GPRIN2: variants seen among roughly 807,000 people sequenced by gnomAD.
GPRIN2 encodes G protein-regulated inducer of neurite outgrowth 2.
In GPRIN2, 1 loss-of-function variant was observed where a neutral mutation model predicts 0.3. The ratio of observed to expected loss-of-function variants is 3.90; its 90% confidence interval spans 1.39 to 18.51. GPRIN2 has a LOEUF of 18.51. Ranked by LOEUF, GPRIN2 falls within the 30% of genes most tolerant of loss-of-function variation. GPRIN2 has a pLI of 0.11. For missense variants in GPRIN2, 880 were observed against 604.2 expected, an observed-to-expected ratio of 1.46 and a Z score of -4.79; for synonymous variants, 361 against 258.6, an observed-to-expected ratio of 1.40 and a Z score of -3.80.
chr10:46,557,337 C>T (rs986980654), upstream of GPRIN2, among the ~76,000 whole-genome samples: 2 of 152,308 alleles, frequency 1.3e-5, no homozygotes, highest in African/African-American at 4.8e-5. Flanking sequence ...CCTGGCCTGG[C>T]CTGGCCCCCG....
rs1395286983 is a variant in GPRIN2, at chr10:46,547,828, G to A, written c.*1532C>T. Among the ~76,000 whole-genome samples, 4 of 152,306 alleles carry A rather than the reference G, an allele frequency of 2.6e-5. No individual in the cohort carries two copies. The highest frequency in any genetic ancestry group is 1.3e-4 in the Admixed American group (2 of 15,294). ...GGGTGCACCTATGCATATGGGAAAG[G>A]CATGTTTACGGGTGAGAATGGTCCA... On this transcript the variant is annotated 3_prime_UTR_variant, in exon 3 of 3. Transcript: ENST00000374314.
intron 1 of GPRIN2, chr10:46,555,407 C>G (rs1410995278): frequency 1.9e-5 from 3 of 154,716 alleles, no homozygotes; most frequent in Non-Finnish European, 4.3e-5. Context: ...GCACACAGCA[C>G]AAACCCCCAT....
At chr10:46,551,406 T>C (rs1842592998) in intron 2 of GPRIN2, 1 of 985,416 alleles carries the variant, frequency 1.0e-6, no homozygotes, top group South Asian at 4.7e-5. Flanking sequence ...TGGGGTTCCC[T>C]GACTCCTACC....
At chr10:46,556,118 A>G (rs1831856274) in intron 1 of GPRIN2, among the ~76,000 whole-genome samples, 128,238 of 152,374 alleles carry the variant, frequency 0.84, 52,053 homozygotes, top group East Asian at 0.95. Flanking sequence ...ATGATGCGGG[A>G]CAGGAGAAGC....
At chr10:46,557,099 C>T (rs1295060552), upstream of GPRIN2, among the ~76,000 whole-genome samples, 1 of 152,206 alleles carries the variant, frequency 6.6e-6, no homozygotes, top group Non-Finnish European at 1.5e-5. Context: ...CTACCCCTTT[C>T]CTCTCGCCTT....
Position 46,546,306 on chromosome 10 carries a change from G to T in GPRIN2, c.*3054C>A, listed in dbSNP as rs1044154998. 1.3e-5 allele frequency among the ~76,000 whole-genome samples: 2 copies of T among 152,308 alleles called. No individual in the cohort carries two copies. Among genetic ancestry groups the T allele is most frequent in the African/African-American group, 4.8e-5 (2 of 41,486 alleles). Reference sequence around the variant, plus strand: ...TCGGGGGTCCTGAATGCCATGGAAGGAGAGCAGGTGGGCAGAAGCAGGGAG... The same window carrying T: ...TCGGGGGTCCTGAATGCCATGGAAGTAGAGCAGGTGGGCAGAAGCAGGGAG... On this transcript the variant is annotated 3_prime_UTR_variant, in exon 3 of 3. Coordinates refer to ENST00000374314, the MANE Select transcript of GPRIN2 (RefSeq NM_001385282.1).
rs1355236412 is a variant in GPRIN2, at chr10:46,545,674, T to C, written c.*3686A>G. ...ACAAGGGACTTTTAAGGAAGTGGGA[T>C]GTGGGCTGTGATCACAGCCAAGCTG... On this transcript the variant is annotated 3_prime_UTR_variant, in exon 3 of 3. Transcript: ENST00000374314. Among the ~76,000 whole-genome samples the C allele has an allele frequency of 1.3e-5, 2 of 152,310 alleles. No individual in the cohort carries two copies. The highest frequency in any genetic ancestry group is 2.4e-5 in the African/African-American group (1 of 41,488).
At position 46,550,688 on chromosome 10, in the gene GPRIN2, G is replaced by A. The variant is rs1832279135; in HGVS notation, c.49C>T (p.Arg17Cys). 57 of 1,511,006 alleles carry A rather than the reference G, an allele frequency of 3.8e-5. No individual in the cohort carries two copies. Among genetic ancestry groups the A allele is most frequent in the African/African-American group, 4.2e-5 (3 of 71,602 alleles). The allele number at this position is 1,511,006 out of a possible 1,614,324, so 93.6% of individuals were successfully genotyped here. ...GAGCTCTGGGACAGGGGCTGAAGGC[G>A]GGGGCTCAGGGGTGCCCAGGGACCC... ...EPGPWAPLSP[R>C]LQPLSQSSSS... The change falls in exon 3 of 3, where the codon CGC (arginine) becomes TGC (cysteine). Residue 17 changes from arginine to cysteine, a missense_variant. By Grantham distance (180) the Arg-to-Cys change is radical. Coordinates refer to ENST00000374314, the MANE Select transcript of GPRIN2 (RefSeq NM_001385282.1).
chr10:46,549,866 G>C lies in GPRIN2; in HGVS notation c.871C>G (p.His291Asp), dbSNP rs1832568611. The change falls in exon 3 of 3, where the codon CAT (histidine) becomes GAT (aspartate). Residue 291 changes from histidine to aspartate, a missense_variant. Coordinates refer to ENST00000374314, the MANE Select transcript of GPRIN2 (RefSeq NM_001385282.1). ...RLSGGLPGHS[H>D]CCAHLWGPAG... ...GGACCCCAAAGGTGGGCACAGCAAT[G>C]GGAATGCCCAGGGAGCCCCCCAGAC... The C allele has an allele frequency of 6.2e-7, 1 of 1,614,276 alleles. No homozygotes were observed. Among genetic ancestry groups the C allele is most frequent in the Non-Finnish European group, 8.5e-7 (1 of 1,180,056 alleles).
rs1842608622 is a variant in GPRIN2 at position 46,551,532 on chromosome 10, G to A, written c.-6-790C>T. The A allele has an allele frequency of 9.2e-6, 9 of 982,294 alleles. No homozygotes were observed. In the South Asian group the frequency reaches 1.4e-4, roughly 15 times the overall value. 60.8% of individuals were successfully genotyped at this position (982,294 alleles called of 1,614,324 possible). On this transcript the variant is annotated intron_variant, in intron 2 of 2. Coordinates refer to ENST00000374314, the MANE Select transcript of GPRIN2 (RefSeq NM_001385282.1). ...CTGAGCCCCTACTGCGTGCCCAGCT[G>A]TAGGGCTAGGGAACATGGGATTCAT...
chr10:46,550,808 A>G, intron 2 of GPRIN2, 66 bp from the exon 3 acceptor site: 8 of 1,468,738 alleles, frequency 5.4e-6, no homozygotes, highest in South Asian at 1.5e-5. Flanking sequence ...CGATTCTACT[A>G]TGAACTCCCA....
chr10:46,557,204 C>G (rs1843347007), upstream of GPRIN2, among the ~76,000 whole-genome samples: 1 of 152,308 alleles, frequency 6.6e-6, no homozygotes, highest in Non-Finnish European at 1.5e-5. Context: ...GGATACCAGG[C>G]CTGGTCTCCA....
At chr10:46,556,831 C>A (rs1462305568), upstream of GPRIN2, among the ~76,000 whole-genome samples, 1 of 152,282 alleles carries the variant, frequency 6.6e-6, no homozygotes, top group Non-Finnish European at 1.5e-5. Context: ...GGCCGGGTCC[C>A]CACTGTCCTC....
chr10:46,555,721 G>T (rs1843123629), intron 1 of GPRIN2, among the ~76,000 whole-genome samples: 1 of 152,292 alleles, frequency 6.6e-6, no homozygotes, highest in African/African-American at 2.4e-5. Flanking sequence ...TTCCTCCCCT[G>T]GGGAGGATTT....
At position 46,546,496 on chromosome 10, in the gene GPRIN2, G is replaced by A. The variant is rs1842172023; in HGVS notation, c.*2864C>T. Among the ~76,000 whole-genome samples the A allele has an allele frequency of 6.6e-6, 1 of 152,310 alleles. No individual in the cohort carries two copies. Among genetic ancestry groups the A allele is most frequent in the Non-Finnish European group, 1.5e-5 (1 of 68,058 alleles). ...TGGCAAAGCTCTCACCTCCAAATTT[G>A]TATCTGTTTTGAATTCAAAGCCAAA... On this transcript the variant is annotated 3_prime_UTR_variant, in exon 3 of 3. Transcript: ENST00000374314.
Position 46,542,787 on chromosome 10 carries a change from A to C in GPRIN2, c.*6573T>G, listed in dbSNP as rs1841857683. On this transcript the variant is annotated 3_prime_UTR_variant, in exon 3 of 3. Transcript: ENST00000374314. ...GACAGCAGAGAAGCATACAGGTGGGACAGTGCAGTGTGTCCCCACAGGGGC... is the reference window on the plus strand; with the variant it reads ...GACAGCAGAGAAGCATACAGGTGGGCCAGTGCAGTGTGTCCCCACAGGGGC... Among the ~76,000 whole-genome samples the C allele has an allele frequency of 6.6e-6, 1 of 152,308 alleles. No individual in the cohort carries two copies. Among genetic ancestry groups the C allele is most frequent in the African/African-American group, 2.4e-5 (1 of 41,488 alleles).
chr10:46,547,401 T>C lies in GPRIN2; in HGVS notation c.*1959A>G, dbSNP rs112404097. ...CTTAAAGTTCCTTTCCTCATTTACA[T>C]CAGGATCTTCACAATGGGGACCCCT... On this transcript the variant is annotated 3_prime_UTR_variant, in exon 3 of 3. Transcript: ENST00000374314. 7.2e-5 allele frequency among the ~76,000 whole-genome samples: 11 copies of C among 152,424 alleles called. No homozygotes were observed. Among genetic ancestry groups the C allele is most frequent in the African/African-American group, 2.4e-4 (10 of 41,604 alleles).
rs1842135852 is a variant in GPRIN2 at position 46,546,101 on chromosome 10, A to G, written c.*3259T>C. 6.6e-6 allele frequency among the ~76,000 whole-genome samples: 1 copy of G among 152,310 alleles called. No individual in the cohort carries two copies. ...ACACAGGAGGTAAGATCACAGTGGA[A>G]CAGGCCATCCCTGCTTTTCCACCAC... On this transcript the variant is annotated 3_prime_UTR_variant, in exon 3 of 3. Coordinates refer to ENST00000374314, the MANE Select transcript of GPRIN2 (RefSeq NM_001385282.1).
rs1842382844 is a variant in GPRIN2 at position 46,548,619 on chromosome 10, C to T, written c.*741G>A. On this transcript the variant is annotated 3_prime_UTR_variant, in exon 3 of 3. Transcript: ENST00000374314. ...ACCCACACCATGAGCTCAGCCAGGGCAGGGGCAGCCTCTGTCTCATTCACC... is the reference window on the plus strand; with the variant it reads ...ACCCACACCATGAGCTCAGCCAGGGTAGGGGCAGCCTCTGTCTCATTCACC... Among the ~76,000 whole-genome samples, 1 of 152,306 alleles carries T rather than the reference C, an allele frequency of 6.6e-6. No individual in the cohort carries two copies. The highest frequency in any genetic ancestry group is 2.1e-4 in the South Asian group (1 of 4,836).
Sources: gnomAD v4.1 joint callset for allele counts (sites outside exome capture counted in the v4.1 genomes callset) on GRCh38, gnomAD v4.1.1 for gene constraint, MANE v1.5 for transcripts, NCBI Gene and HGNC (gene_info 2026-07-23, HGNC 2026-07-21) for gene names.